The following NCKAP5 variants were observed in gnomAD, a reference collection of about 807,000 sequenced individuals.
NCKAP5 encodes the protein nck-associated protein 5.
A neutral mutation model predicts 167.0 loss-of-function variants in NCKAP5; 92 were observed. That is an observed-to-expected ratio of 0.55 (90% CI 0.47 to 0.66). The LOEUF (loss-of-function observed/expected upper bound fraction) is 0.66. NCKAP5 is among the 30% of genes least tolerant of loss of function. NCKAP5 has a pLI of 0.00. For synonymous variants in NCKAP5, 891 were observed against 877.4 expected (o/e 1.02, Z -0.27); for missense variants, 2,378 against 2,315.0 (o/e 1.03, Z -0.56).
intron 19 of NCKAP5, among the ~76,000 whole-genome samples, chr2:132,683,951 T>C (rs1477187005): frequency 6.6e-6 from 1 of 152,226 alleles, no homozygotes; most frequent in Non-Finnish European, 1.5e-5. Flanking sequence ...AAATTATAGC[T>C]GTCGTAGTAC....
At chr2:133,448,409 T>C (rs1559492433) in intron 3 of NCKAP5, among the ~76,000 whole-genome samples, 1 of 152,028 alleles carries the variant, frequency 6.6e-6, no homozygotes, top group Non-Finnish European at 1.5e-5. Context: ...AACTAATCTA[T>C]CCTGTATAGT....
intron 16 of NCKAP5, among the ~76,000 whole-genome samples, chr2:132,756,879 A>C (rs1199825823): frequency 6.6e-6 from 1 of 152,160 alleles, no homozygotes; most frequent in Non-Finnish European, 1.5e-5. Context: ...CTCACTTTAA[A>C]ATATATTTCC....
chr2:133,455,256 G>A (rs1014582720), intron 3 of NCKAP5, among the ~76,000 whole-genome samples: 1 of 152,042 alleles, frequency 6.6e-6, no homozygotes, highest in African/African-American at 2.4e-5. Context: ...GATACATCTC[G>A]ATGAAGTTTA....
intron 3 of NCKAP5, among the ~76,000 whole-genome samples, chr2:133,352,376 CT>C (rs1035881442): frequency 1.3e-5 from 2 of 152,198 alleles, no homozygotes; most frequent in African/African-American, 2.4e-5. Context: ...ATAAATACAT[CT>C]TGAATGAATA....
chr2:133,249,278 G>A (rs1346765060), intron 4 of NCKAP5, among the ~76,000 whole-genome samples: 1 of 152,116 alleles, frequency 6.6e-6, no homozygotes, highest in South Asian at 2.1e-4. Context: ...AAAGGAACTC[G>A]AAAGAGTCAA....
intron 6 of NCKAP5, among the ~76,000 whole-genome samples, chr2:133,069,688 T>C (rs577868421): frequency 9.2e-5 from 14 of 152,270 alleles, no homozygotes; most frequent in Non-Finnish European, 1.9e-4. Flanking sequence ...ATGCTCTGTT[T>C]GGGTTAAATG....
At chr2:132,792,088 TG>T (rs1427434227) in intron 12 of NCKAP5, among the ~76,000 whole-genome samples, 6 of 151,822 alleles carry the variant, frequency 4.0e-5, no homozygotes, top group African/African-American at 1.4e-4. Flanking sequence ...GTTTCACTCT[TG>T]TTGCCCAGGC....
chr2:133,035,181 T>G (rs1224933231), intron 6 of NCKAP5, among the ~76,000 whole-genome samples: 4 of 152,026 alleles, frequency 2.6e-5, no homozygotes, highest in African/African-American at 9.7e-5. Flanking sequence ...TCACTGTATA[T>G]GATAAAGGCA....
chr2:133,613,015 T>C, the NCKAP5 span, among the ~76,000 whole-genome samples: 2 of 152,198 alleles, frequency 1.3e-5, no homozygotes, highest in East Asian at 1.9e-4. Context: ...AAACAGTTTC[T>C]GAGGGCTAAG....
chr2:133,480,212 G>A (rs1575033798), intron 3 of NCKAP5, among the ~76,000 whole-genome samples: 2 of 152,110 alleles, frequency 1.3e-5, no homozygotes, highest in African/African-American at 4.8e-5. Context: ...GATTACACGT[G>A]TGAGCCACCA....
intron 8 of NCKAP5, among the ~76,000 whole-genome samples, chr2:132,923,972 G>A (rs1279378460): frequency 6.6e-6 from 1 of 152,184 alleles, no homozygotes; most frequent in Non-Finnish European, 1.5e-5. Context: ...TAGCCTGAGT[G>A]AGAAGTGATT....
At chr2:133,208,866 T>C (rs79937538) in intron 5 of NCKAP5, among the ~76,000 whole-genome samples, 1 of 152,208 alleles carries the variant, frequency 6.6e-6, no homozygotes, top group African/African-American at 2.4e-5. Context: ...AGGACTAGTT[T>C]GCGTAACAGA....
chr2:132,971,209 T>TCA, intron 7 of NCKAP5, among the ~76,000 whole-genome samples: 1 of 152,292 alleles, frequency 6.6e-6, no homozygotes, highest in South Asian at 2.1e-4. Flanking sequence ...AGGAAGAGTT[T>TCA]CAAGGTGCTT....
intron 19 of NCKAP5, among the ~76,000 whole-genome samples, chr2:132,697,216 T>G (rs918799664): frequency 6.6e-6 from 1 of 152,176 alleles, no homozygotes; most frequent in African/African-American, 2.4e-5. Context: ...AGTTATCCCT[T>G]AAAGAGCAGT....
the NCKAP5 span, among the ~76,000 whole-genome samples, chr2:133,577,074 C>T: frequency 6.6e-6 from 1 of 152,150 alleles, no homozygotes; most frequent in African/African-American, 2.4e-5. Context: ...AGCAGGGAAC[C>T]TTCCCACCCC....
At chr2:132,983,811 C>T (rs1559018976) in intron 7 of NCKAP5, among the ~76,000 whole-genome samples, 1 of 152,180 alleles carries the variant, frequency 6.6e-6, no homozygotes, top group Non-Finnish European at 1.5e-5. Context: ...GATAGTTTCA[C>T]AGCTGGCACA....
chr2:133,078,170 G>T (rs1368285634), intron 6 of NCKAP5, among the ~76,000 whole-genome samples: 1 of 152,164 alleles, frequency 6.6e-6, no homozygotes, highest in East Asian at 1.9e-4. Flanking sequence ...ATCACAGCAG[G>T]AACTGTTCTT....
At chr2:132,987,597 G>C (rs1194254110) in intron 7 of NCKAP5, among the ~76,000 whole-genome samples, 1 of 151,768 alleles carries the variant, frequency 6.6e-6, no homozygotes, top group African/African-American at 2.4e-5. Context: ...ATCAATGACT[G>C]AAAAAAAAGA....
At chr2:133,387,689 G>A (rs547464171) in intron 3 of NCKAP5, among the ~76,000 whole-genome samples, 29 of 152,292 alleles carry the variant, frequency 1.9e-4, no homozygotes, top group African/African-American at 6.3e-4. Flanking sequence ...CCAGTCAGAC[G>A]TAGATTTGGT....
Sources: allele counts gnomAD v4.1 joint callset (sites outside exome capture counted in the v4.1 genomes callset), GRCh38; gene constraint gnomAD v4.1.1; transcripts MANE v1.5; gene names NCBI Gene and HGNC (gene_info 2026-07-23, HGNC 2026-07-21).